Variants in NEDD9 observed in about 807,000 individuals in gnomAD.
NEDD9 encodes neural precursor cell expressed, developmentally down-regulated 9.
NEDD9 carries 26 observed loss-of-function variants against 76.6 expected under a neutral mutation model. The observed-to-expected ratio is 0.34, with a 90% CI of 0.25 to 0.47. NEDD9 has a LOEUF of 0.47. Ranked by LOEUF, NEDD9 falls within the 20% of genes least tolerant of loss-of-function variation. The pLI, the probability that NEDD9 is intolerant of heterozygous loss-of-function variation, is 1.00. For missense variants in NEDD9, 937 were observed against 1,058.5 expected (o/e 0.89, Z 1.59); for synonymous variants, 392 against 414.2 (o/e 0.95, Z 0.65).
intron 3 of NEDD9, among the ~76,000 whole-genome samples, chr6:11,270,002 C>T (rs1046133042): frequency 1.3e-5 from 2 of 152,192 alleles, no homozygotes; most frequent in African/African-American, 4.8e-5. Flanking sequence ...TGGTGCGTGC[C>T]TATAATCTCT....
At chr6:11,267,180 G>T (rs533803014) in intron 3 of NEDD9, among the ~76,000 whole-genome samples, 1 of 152,178 alleles carries the variant, frequency 6.6e-6, no homozygotes, top group Admixed American at 6.5e-5. Flanking sequence ...CCTTGATGTC[G>T]ACTATTTGAT....
intron 2 of NEDD9, among the ~76,000 whole-genome samples, chr6:11,330,006 T>C (rs937011153): frequency 6.6e-6 from 1 of 152,222 alleles, no homozygotes; most frequent in African/African-American, 2.4e-5. Flanking sequence ...GATCAGTATC[T>C]GTGCTGTCCG....
At chr6:11,251,477 A>G (rs1314918164) in intron 3 of NEDD9, 1 of 152,216 alleles carries the variant, frequency 6.6e-6, no homozygotes, top group Admixed American at 6.5e-5. Context: ...GGTCACGGTC[A>G]TGGTTTTCTC....
At chr6:11,233,702 G>C (rs1382347373), upstream of NEDD9, among the ~76,000 whole-genome samples, 1 of 152,184 alleles carries the variant, frequency 6.6e-6, no homozygotes, top group African/African-American at 2.4e-5. Context: ...TATAGAGAAA[G>C]AGAATCACCC....
intron 1 of NEDD9, among the ~76,000 whole-genome samples, chr6:11,231,437 A>T (rs1759465582): frequency 6.6e-6 from 1 of 152,234 alleles, no homozygotes; most frequent in Non-Finnish European, 1.5e-5. Flanking sequence ...CTTACATCAA[A>T]AAAGGATGGA....
Position 11,232,530 on chromosome 6 carries a change from G to T in NEDD9, c.-15C>A. 6.2e-7 allele frequency: 1 copy of T among 1,614,168 alleles called. No homozygotes were observed. The highest frequency in any genetic ancestry group is 8.5e-7 in the Non-Finnish European group (1 of 1,180,012). Reference sequence around the variant, plus strand: ...TTATACTTCATTTCGGCAGCGGTGGGTTGAGCCGTTTTCCTACACTAGTTA... The same window carrying T: ...TTATACTTCATTTCGGCAGCGGTGGTTTGAGCCGTTTTCCTACACTAGTTA... On this transcript the variant is annotated 5_prime_UTR_variant, in exon 1 of 7. Coordinates refer to ENST00000379446, the MANE Select transcript of NEDD9 (RefSeq NM_006403.4).
At chr6:11,238,551 A>C (rs1287669785) in intron 3 of NEDD9, among the ~76,000 whole-genome samples, 1 of 152,210 alleles carries the variant, frequency 6.6e-6, no homozygotes, top group Non-Finnish European at 1.5e-5. Context: ...ACTCACGTGC[A>C]CGTTGGAGCC....
At chr6:11,308,170 G>A (rs1761248039) in intron 2 of NEDD9, among the ~76,000 whole-genome samples, 1 of 152,032 alleles carries the variant, frequency 6.6e-6, no homozygotes, top group South Asian at 2.1e-4. Flanking sequence ...ATACATATGA[G>A]CACCAAGGCC....
At chr6:11,298,022 C>T (rs11754218) in intron 3 of NEDD9, among the ~76,000 whole-genome samples, 1 of 151,736 alleles carries the variant, frequency 6.6e-6, no homozygotes, top group Non-Finnish European at 1.5e-5. Context: ...ATTCTCATGC[C>T]TCAGCCTTCT....
chr6:11,232,446 C>T (rs1325530825), intron 1 of NEDD9, 58 bp downstream of exon 1: 11 of 1,607,762 alleles, frequency 6.8e-6, no homozygotes, highest in Non-Finnish European at 8.5e-6. Flanking sequence ...TACACAAGCA[C>T]ACACCCGCAG....
intron 3 of NEDD9, among the ~76,000 whole-genome samples, chr6:11,267,426 A>T (rs2113335570): frequency 6.6e-6 from 1 of 151,696 alleles, no homozygotes; most frequent in Non-Finnish European, 1.5e-5. Context: ...GCAGGGATGT[A>T]GTTCCCAAGT....
In NEDD9 at chr6:11,184,240, G is replaced by A. The variant is rs1213421823; in HGVS notation, c.*922C>T. 2.0e-5 allele frequency: 3 copies of A among 152,278 alleles called. No individual in the cohort carries two copies. Among genetic ancestry groups the A allele is most frequent in the South Asian group, 4.1e-4 (2 of 4,824 alleles). 9.4% of individuals were successfully genotyped at this position (152,278 alleles called of 1,614,324 possible). A position where few individuals can be genotyped will look rare whatever the true frequency, so the allele number is the denominator to read the frequency against. On this transcript the variant is annotated 3_prime_UTR_variant, in exon 7 of 7. Transcript: ENST00000379446. Reference sequence around the variant, plus strand: ...AAAGTGAATATTAAGAGTCAGAAAGGCCTCTACTTGCAACTGGCGGATCAA... The same window carrying A: ...AAAGTGAATATTAAGAGTCAGAAAGACCTCTACTTGCAACTGGCGGATCAA...
At chr6:11,376,160 TATTTCTTTATAGTG>T (rs1482303462) in intron 1 of NEDD9, among the ~76,000 whole-genome samples, 1 of 152,194 alleles carries the variant, frequency 6.6e-6, no homozygotes, top group African/African-American at 2.4e-5. Context: ...CAGCCTTGGG[TATTTCTTTATAGTG>T]ATGCAAAACG....
At chr6:11,274,758 C>T (rs548519601) in intron 3 of NEDD9, among the ~76,000 whole-genome samples, 90 of 152,252 alleles carry the variant, frequency 5.9e-4, no homozygotes, top group Non-Finnish European at 6.0e-4. Flanking sequence ...CCCTTACACA[C>T]GGCTGGGGAA....
chr6:11,348,683 C>A (rs1762408277), intron 1 of NEDD9, among the ~76,000 whole-genome samples: 1 of 152,164 alleles, frequency 6.6e-6, no homozygotes, highest in African/African-American at 2.4e-5. Flanking sequence ...GGAAAGGAGT[C>A]CTGTTCAATA....
chr6:11,321,014 A>G (rs75322718), intron 2 of NEDD9, among the ~76,000 whole-genome samples: 165 of 152,084 alleles, frequency 1.1e-3, no homozygotes, highest in Non-Finnish European at 1.9e-3. Context: ...GAGGTTAAAA[A>G]AAAAACCTGT....
chr6:11,255,775 A>G (rs370820002), intron 3 of NEDD9, among the ~76,000 whole-genome samples: 2 of 152,220 alleles, frequency 1.3e-5, no homozygotes, highest in South Asian at 2.1e-4. Context: ...CACTTTATGT[A>G]TTTAAGCAGG....
chr6:11,287,754 T>G (rs2327391), intron 3 of NEDD9, among the ~76,000 whole-genome samples: 111,055 of 151,966 alleles, frequency 0.73, 41,587 homozygotes, highest in African/African-American at 0.91. Flanking sequence ...GGTTGGAGTT[T>G]GGGGCAGAGA....
At position 11,252,315 on chromosome 6, in the gene NEDD9, T is replaced by C. The variant is rs7769743; in HGVS notation, c.13-38588A>G. Among the ~76,000 whole-genome samples the C allele has an allele frequency of 3.8e-3, 572 of 152,284 alleles. 2 individuals are homozygous for C. Among genetic ancestry groups the C allele is most frequent in the African/African-American group, 0.013 (553 of 41,550 alleles). ...TGAACATAAAAATTGAGAAGAGTTA[T>C]TGGAGGGTCTAAGAGGATGCCAGTC... On this transcript the variant is annotated intron_variant, in intron 3 of 3. Transcript: ENST00000397378. This position sits in a 1 kb window ranked among gnomAD's most constrained non-coding sequence, Gnocchi z 4.3.
Sources: allele counts gnomAD v4.1 joint callset (sites outside exome capture counted in the v4.1 genomes callset), GRCh38; gene constraint gnomAD v4.1.1; non-coding constraint Gnocchi (gnomAD v3.1); transcripts MANE v1.5; gene names NCBI Gene and HGNC (gene_info 2026-07-23, HGNC 2026-07-21).